Variants in GREB1 observed in about 807,000 individuals in gnomAD.
The protein encoded by GREB1 is growth regulating estrogen receptor binding 1, also known as protein GREB1.
GREB1 carries 106 observed loss-of-function variants against 200.7 expected under a neutral mutation model. The observed-to-expected ratio is 0.53, with a 90% CI of 0.45 to 0.62. GREB1 has a LOEUF of 0.62. Among genes scored for constraint, GREB1 ranks in the 20% least tolerant of loss-of-function variants. GREB1 has a pLI of 0.00. For synonymous variants in GREB1, 1,132 were observed against 1,092.4 expected (o/e 1.04, Z -0.72); for missense variants, 2,243 against 2,556.8 (o/e 0.88, Z 2.65).
chr2:11,610,881 G>T lies in GREB1; in HGVS notation c.2860G>T (p.Val954Leu), dbSNP rs1682859382. 6.2e-7 allele frequency: 1 copy of T among 1,613,180 alleles called. No homozygotes were observed. The highest frequency in any genetic ancestry group is 8.5e-7 in the Non-Finnish European group (1 of 1,179,860). ...CGHGLMVLLR[V>L]PCSPLAVVAY... ...CCACGGGCTCATGGTCCTGCTGCGG[G>T]TGCCCTGTTCGCCCCTGGCGGTGGT... Residue 954 changes from valine (V) to leucine (L), a missense_variant, in exon 18 of 33, where the codon GTG becomes TTG. Physicochemically the swap from Val to Leu is conservative, Grantham distance 32. Coordinates refer to ENST00000381486, the MANE Select transcript of GREB1 (RefSeq NM_014668.4).
chr2:11,539,058 C>CCT (rs1674536757), intron 1 of GREB1, among the ~76,000 whole-genome samples: 1 of 116,244 alleles, frequency 8.6e-6, no homozygotes, highest in African/African-American at 2.7e-5. Flanking sequence ...CTTCTCTTCT[C>CCT]TTCTCTTCTC....
chr2:11,568,236 G>A (rs1677888384), intron 4 of GREB1, among the ~76,000 whole-genome samples: 1 of 152,216 alleles, frequency 6.6e-6, no homozygotes, highest in Non-Finnish European at 1.5e-5. Context: ...CACTCCACGG[G>A]TAGTTACTGA....
At chr2:11,615,925 G>A (rs945288935) in intron 20 of GREB1, among the ~76,000 whole-genome samples, 1 of 152,232 alleles carries the variant, frequency 6.6e-6, no homozygotes, top group African/African-American at 2.4e-5. Context: ...GCGGGTCTGT[G>A]GTCTGCCTTG....
At chr2:11,573,242 C>T (rs1209662666) in intron 4 of GREB1, among the ~76,000 whole-genome samples, 1 of 152,174 alleles carries the variant, frequency 6.6e-6, no homozygotes, top group Non-Finnish European at 1.5e-5. Context: ...CCAGGACGTG[C>T]TTGTTAAACA....
In GREB1 at chr2:11,615,257, A is replaced by G. The variant is rs1050407323; in HGVS notation, c.3289A>G (p.Thr1097Ala). The G allele has an allele frequency of 1.2e-6, 2 of 1,605,182 alleles. No homozygotes were observed. The highest frequency in any genetic ancestry group is 1.7e-6 in the Non-Finnish European group (2 of 1,175,452). ...GAGTGATGCTGAGAAGCTGAGCAGC[A>G]CAGACAACGAGGATGAGGAGCTGGG... Reference protein sequence around the residue: ...LESDAEKLSSTDNEDEELGTE... With the variant: ...LESDAEKLSSADNEDEELGTE... The change falls in exon 20 of 33, where the codon ACA (threonine) becomes GCA (alanine). Residue 1097 changes from threonine to alanine, a missense_variant. Thr to Ala is a moderately conservative substitution (Grantham distance 58). Around this residue, in one of 3 missense-constraint regions of GREB1, gnomAD observed 587 missense variants for 553.1 expected, o/e 1.06. Coordinates refer to ENST00000381486, the MANE Select transcript of GREB1 (RefSeq NM_014668.4).
In GREB1 at chr2:11,640,936, T is replaced by G. The variant is rs188567953; in HGVS notation, c.*482T>G. 477 of 155,998 alleles carry G rather than the reference T, an allele frequency of 3.1e-3. 6 individuals are homozygous for G. The highest frequency in any genetic ancestry group is 5.4e-4 in the Non-Finnish European group (38 of 70,842). The allele number at this position is 155,998 out of a possible 1,614,324, so 9.7% of individuals were successfully genotyped here. On this transcript the variant is annotated 3_prime_UTR_variant, in exon 33 of 33. Coordinates refer to ENST00000381486, the MANE Select transcript of GREB1 (RefSeq NM_014668.4). The surrounding 1 kb of genome is among the most constrained non-coding windows in gnomAD (Gnocchi z 4.6). ...AAGGCTGGAGACAAGAAAAAATAAG[T>G]AGATCGTTTTAATAACAATTATTTA...
rs1446898237 is a variant in GREB1, at chr2:11,618,922, G to T, written c.4044+3G>T. 1.3e-6 allele frequency: 2 copies of T among 1,502,486 alleles called. No homozygotes were observed. The highest frequency in any genetic ancestry group is 1.3e-5 in the South Asian group (1 of 76,330). 93.1% of individuals were successfully genotyped at this position (1,502,486 alleles called of 1,614,324 possible). On this transcript the variant is annotated splice_donor_region_variant and intron_variant, in intron 22 of 32. Transcript: ENST00000381486. Reference sequence around the variant, plus strand: ...TGCTGCTCAGCGGCCCCCCTCAGGTGAGTGTTGCTCGCTGCCCCAGCACAG... The same window carrying T: ...TGCTGCTCAGCGGCCCCCCTCAGGTTAGTGTTGCTCGCTGCCCCAGCACAG...
chr2:11,551,522 TC>T (rs1675828380), intron 1 of GREB1, among the ~76,000 whole-genome samples: 1 of 152,242 alleles, frequency 6.6e-6, no homozygotes, highest in Admixed American at 6.5e-5. Context: ...TGTCTGATTT[TC>T]ACCCTTGGGT....
In GREB1 at chr2:11,607,581, T is replaced by TAG. The variant is rs1558625355; in HGVS notation, c.2667-3106_2667-3105insGA. On this transcript the variant is annotated intron_variant, in intron 17 of 32. Transcript: ENST00000381486. ...ATATATATACGCATATATACACATA[T>TAG]ATACATATATACATATATATACATA... Among the ~76,000 whole-genome samples, 418 of 71,812 alleles carry TAG rather than the reference T, an allele frequency of 5.8e-3. 3 individuals are homozygous for TAG. Among genetic ancestry groups the TAG allele is most frequent in the African/African-American group, 0.017 (398 of 23,606 alleles). The allele number at this position is 71,812 out of a possible 152,430, so 47.1% of individuals were successfully genotyped here. A position where few individuals can be genotyped will look rare whatever the true frequency, so the allele number is the denominator to read the frequency against.
chr2:11,632,274 C>T (rs866784634), intron 27 of GREB1, among the ~76,000 whole-genome samples, 161 bp downstream of exon 27: 17 of 152,118 alleles, frequency 1.1e-4, no homozygotes, highest in Admixed American at 6.5e-4. Context: ...AGTCTTCCCC[C>T]GCTACCCGCA....
intron 1 of GREB1, among the ~76,000 whole-genome samples, chr2:11,518,974 C>T (rs1452973728): frequency 6.6e-6 from 1 of 151,654 alleles, no homozygotes; most frequent in Non-Finnish European, 1.5e-5. Context: ...GTGGTAGGTG[C>T]CTGTAGGCCC....
intron 1 of GREB1, among the ~76,000 whole-genome samples, chr2:11,490,895 A>T (rs911140405): frequency 2.6e-5 from 4 of 152,146 alleles, no homozygotes; most frequent in African/African-American, 9.7e-5. Context: ...TTAGGAGTAG[A>T]ATTGCTAGGT....
At chr2:11,617,963 C>G (rs1420073921) in intron 21 of GREB1, among the ~76,000 whole-genome samples, 2 of 152,140 alleles carry the variant, frequency 1.3e-5, no homozygotes, top group Non-Finnish European at 2.9e-5. Context: ...ACCCTCAGCC[C>G]AGAGCTCGGG....
At chr2:11,616,330 A>T in intron 20 of GREB1, among the ~76,000 whole-genome samples, 1 of 152,084 alleles carries the variant, frequency 6.6e-6, no homozygotes, top group East Asian at 1.9e-4. Flanking sequence ...CTTCCAGGAG[A>T]TGCCCTGCTT....
chr2:11,514,338 T>TC (rs35022612), intron 1 of GREB1, among the ~76,000 whole-genome samples: 104,196 of 152,030 alleles, frequency 0.69, 35,754 homozygotes, highest in East Asian at 0.79. Flanking sequence ...TCAGTTATGT[T>TC]CCAAGTTTGC....
chr2:11,637,640 C>G, intron 30 of GREB1, 76 bp from the exon 31 acceptor site: 4 of 1,380,746 alleles, frequency 2.9e-6, no homozygotes, highest in Non-Finnish European at 3.0e-6. Context: ...CTTGGGCCAC[C>G]CTTGCAGCCC....
intron 1 of GREB1, among the ~76,000 whole-genome samples, chr2:11,554,616 C>G (rs1676253840): frequency 6.6e-6 from 1 of 152,214 alleles, no homozygotes; most frequent in South Asian, 2.1e-4. Flanking sequence ...AACTGCTATT[C>G]TGTGGTCATT....
In GREB1 at chr2:11,612,590, G is replaced by C. The variant is rs370781434; in HGVS notation, c.3102G>C (p.Pro1034=). ...PCILIFSGMD[P]HGESLPRSLR... ...TCCTGATCTTCAGTGGGATGGACCC[G>C]CATGGGGAGTCCTTGCCGAGGTGAG... Residue 1034 remains proline (P), a synonymous_variant, in exon 19 of 33, where the codon CCG becomes CCC. Transcript: ENST00000381486. 1 of 1,610,500 alleles carries C rather than the reference G, an allele frequency of 6.2e-7. No homozygotes were observed.
Position 11,596,234 on chromosome 2 carries a change from G to C in GREB1, c.1949G>C (p.Cys650Ser), listed in dbSNP as rs1285964720. Residue 650 changes from cysteine to serine, a missense_variant, in exon 13 of 33, where the codon TGC (cysteine) becomes TCC (serine). Physicochemically the swap from Cys to Ser is moderately radical, Grantham distance 112. Around this residue, in one of 3 missense-constraint regions of GREB1, gnomAD observed 1,178 missense variants for 1,387.4 expected, o/e 0.85. Transcript: ENST00000381486. Reference protein sequence around the residue: ...ASLDVSGTPVCTSYNLEPHSI... With the variant: ...ASLDVSGTPVSTSYNLEPHSI... ...CTGGATGTCAGTGGGACACCGGTGT[G>C]CACAAGTGAGTGGTGAAAAGGAATC... 9 of 1,613,282 alleles carry C rather than the reference G, an allele frequency of 5.6e-6. No individual in the cohort carries two copies. Among genetic ancestry groups the C allele is most frequent in the Admixed American group, 1.7e-5 (1 of 59,974 alleles).
Sources: allele counts gnomAD v4.1 joint callset (sites outside exome capture counted in the v4.1 genomes callset), GRCh38; gene constraint gnomAD v4.1.1; regional missense constraint gnomAD v4.1.1; non-coding constraint Gnocchi (gnomAD v3.1); transcripts MANE v1.5; gene names NCBI Gene and HGNC (gene_info 2026-07-23, HGNC 2026-07-21).